The following STIP1 variants were observed in gnomAD, a reference collection of about 807,000 sequenced individuals.
STIP1 encodes stress induced phosphoprotein 1.
STIP1 carries 16 observed loss-of-function variants against 77.4 expected under a neutral mutation model. The ratio of observed to expected loss-of-function variants is 0.21; its 90% CI spans 0.14 to 0.31. STIP1 has a LOEUF of 0.31. Ranked by LOEUF, STIP1 falls within the 10% of genes least tolerant of loss-of-function variation. The pLI is 1.00. For synonymous variants in STIP1, 258 were observed against 246.6 expected, an observed-to-expected ratio of 1.05 and a Z score of -0.44; for missense variants, 524 against 684.8, an observed-to-expected ratio of 0.77 and a Z score of 2.62.
At chr11:64,190,164 G>T (rs1332081907) in intron 1 of STIP1, among the ~76,000 whole-genome samples, 1 of 150,836 alleles carries the variant, frequency 6.6e-6, no homozygotes, top group Non-Finnish European at 1.5e-5. Flanking sequence ...CCACATCCGG[G>T]CAATTTATTT....
chr11:64,202,362 A>G (rs1473584611), intron 10 of STIP1: 1 of 146,208 alleles, frequency 6.8e-6, no homozygotes, highest in South Asian at 2.2e-4. Context: ...TCTCTTGAGT[A>G]GCTGGGATTA....
At chr11:64,189,132 G>A (rs186521734) in intron 1 of STIP1, among the ~76,000 whole-genome samples, 2 of 152,382 alleles carry the variant, frequency 1.3e-5, no homozygotes, top group African/African-American at 4.8e-5. Flanking sequence ...GGAGGTTGAG[G>A]CGGGTGGATC....
intron 8 of STIP1, among the ~76,000 whole-genome samples, chr11:64,199,565 G>T (rs1438204242): frequency 7.3e-6 from 1 of 137,734 alleles, no homozygotes; most frequent in Non-Finnish European, 1.5e-5. Context: ...ATCCTAATCT[G>T]ATTTTTTTTT....
upstream of STIP1, chr11:64,185,778 A>C: frequency 6.5e-7 from 1 of 1,531,842 alleles, no homozygotes; most frequent in Non-Finnish European, 8.7e-7. Flanking sequence ...AGAGTTGGCA[A>C]CCCTCCGCCC....
chr11:64,199,853 G>A (rs989605551), intron 8 of STIP1, 87 bp from the exon 9 acceptor site: 15 of 1,508,738 alleles, frequency 9.9e-6, no homozygotes, highest in East Asian at 9.9e-5. Context: ...GTGAGCCACC[G>A]CGCCCGGCCC....
chr11:64,203,628 TAGAGTC>T lies in STIP1; in HGVS notation c.1559+11_1559+16del. On this transcript the variant is annotated splice_region_variant and intron_variant, in intron 13 of 13. Coordinates refer to ENST00000305218, the MANE Select transcript of STIP1 (RefSeq NM_006819.3). ...GACCCCCAGGCACTCAGCGAGTACGTAGAGTCAGAGAGGCGGCCTTGCTGGAAATGG... is the reference window on the plus strand; with the variant it reads ...GACCCCCAGGCACTCAGCGAGTACGTAGAGAGGCGGCCTTGCTGGAAATGG... 1.2e-6 allele frequency: 2 copies of T among 1,614,126 alleles called. No individual in the cohort carries two copies. The highest frequency in any genetic ancestry group is 1.7e-6 in the Non-Finnish European group (2 of 1,180,030).
intron 8 of STIP1, 100 bp downstream of exon 8, chr11:64,198,074 T>TC: frequency 6.7e-7 from 1 of 1,490,590 alleles, no homozygotes; most frequent in South Asian, 1.4e-5. Flanking sequence ...TTTTTTTTTT[T>TC]TTGAGATAGG....
chr11:64,191,077 C>T (rs1302633023), intron 1 of STIP1, among the ~76,000 whole-genome samples: 2 of 151,490 alleles, frequency 1.3e-5, no homozygotes, highest in Non-Finnish European at 2.9e-5. Context: ...ATCCCAGCTA[C>T]TCAGGAGGCT....
chr11:64,194,656 G>A (rs1229324554), intron 4 of STIP1, 36 bp downstream of exon 4: 7 of 1,605,274 alleles, frequency 4.4e-6, no homozygotes, highest in Admixed American at 1.7e-5. Flanking sequence ...TCTGGAAATC[G>A]GGGAATGTTA....
In STIP1 at chr11:64,186,290, C is replaced by T. The variant is rs374905296; in HGVS notation, c.9+20C>T. The stretch of plus-strand genomic sequence containing the variant: ...GAGCAGGTGAAGGGGGAGGGGCGGG[C>T]TGAGGCCCCGAGCCTGCTCGGGGAC... On this transcript the variant is annotated intron_variant, in intron 1 of 13. Coordinates refer to ENST00000305218, the MANE Select transcript of STIP1 (RefSeq NM_006819.3). 2.4e-6 allele frequency: 3 copies of T among 1,250,892 alleles called. No individual in the cohort carries two copies. Among genetic ancestry groups the T allele is most frequent in the Admixed American group, 2.6e-5 (1 of 38,468 alleles). 77.5% of individuals were successfully genotyped at this position (1,250,892 alleles called of 1,614,324 possible).
Position 64,195,681 on chromosome 11 carries a change from C to T in STIP1, c.540C>T (p.Ser180=), listed in dbSNP as rs373218763. The part of the protein sequence containing the change: ...LQDPRIMTTL[S]VLLGVDLGSM... ...ATCCCCGGATCATGACCACTCTCAG[C>T]GTCCTCCTTGGGGTCGATCTGGGCA... Residue 180 remains serine (S), a synonymous_variant, in exon 5 of 14, where the codon AGC becomes AGT. Transcript: ENST00000305218. 10 of 1,613,756 alleles carry T rather than the reference C, an allele frequency of 6.2e-6. No homozygotes were observed. The highest frequency in any genetic ancestry group is 4.4e-5 in the South Asian group (4 of 91,042).
intron 4 of STIP1, 151 bp downstream of exon 4, chr11:64,194,771 G>A: frequency 2.0e-6 from 2 of 1,024,704 alleles, no homozygotes; most frequent in East Asian, 5.3e-5. Context: ...TCGTTTATTT[G>A]TAATTATAGA....
At chr11:64,189,438 A>G (rs1163979039) in intron 1 of STIP1, among the ~76,000 whole-genome samples, 1 of 152,128 alleles carries the variant, frequency 6.6e-6, no homozygotes, top group Non-Finnish European at 1.5e-5. Flanking sequence ...GAGGCAGGAC[A>G]ATTGCTTGAA....
intron 1 of STIP1, 89 bp from the exon 2 acceptor site, chr11:64,192,989 G>A: frequency 8.0e-7 from 1 of 1,245,366 alleles, no homozygotes; most frequent in Non-Finnish European, 1.1e-6. Flanking sequence ...TTTATTTGTT[G>A]GTAACTACAT....
At chr11:64,196,775 T>C (rs1044230369) in intron 5 of STIP1, 1 of 159,232 alleles carries the variant, frequency 6.3e-6, no homozygotes, top group Non-Finnish European at 1.4e-5. Context: ...GTTTAGGGTG[T>C]CTCAGCTGGA....
chr11:64,186,245 C>G lies in STIP1; in HGVS notation c.-17C>G, dbSNP rs1333698700. On this transcript the variant is annotated 5_prime_UTR_variant, in exon 1 of 14. Coordinates refer to ENST00000305218, the MANE Select transcript of STIP1 (RefSeq NM_006819.3). The stretch of plus-strand genomic sequence containing the variant: ...CGGACGGATTCGATTCAACGGGGTT[C>G]CGGACCGCGCTGCGCTATGGAGCAG... 6.5e-7 allele frequency: 1 copy of G among 1,549,616 alleles called. No homozygotes were observed. The highest frequency in any genetic ancestry group is 8.7e-7 in the Non-Finnish European group (1 of 1,146,482).
chr11:64,197,266 T>A lies in STIP1; in HGVS notation c.673-5T>A. On this transcript the variant is annotated splice_polypyrimidine_tract_variant and splice_region_variant and intron_variant, in intron 5 of 13. Transcript: ENST00000305218. Reference sequence around the variant, plus strand: ...GCTCAGCACTCACTTCTAAACCTCATCTAGGCACTGAAAGAAAAAGAGCTG... The same window carrying A: ...GCTCAGCACTCACTTCTAAACCTCAACTAGGCACTGAAAGAAAAAGAGCTG... The A allele has an allele frequency of 6.2e-7, 1 of 1,613,990 alleles. No homozygotes were observed. The highest frequency in any genetic ancestry group is 8.5e-7 in the Non-Finnish European group (1 of 1,180,002).
chr11:64,185,834 G>T, upstream of STIP1: 2 of 1,536,084 alleles, frequency 1.3e-6, no homozygotes, highest in African/African-American at 2.7e-5. Flanking sequence ...CATGGAGTCC[G>T]GCAGCCCAAT....
chr11:64,185,891 C>T, upstream of STIP1: 3 of 1,536,160 alleles, frequency 2.0e-6, no homozygotes, highest in African/African-American at 1.4e-5. Flanking sequence ...TGGGCGCGGC[C>T]AGCGCGGCTA....
Sources: allele counts gnomAD v4.1 joint callset (sites outside exome capture counted in the v4.1 genomes callset), GRCh38; gene constraint gnomAD v4.1.1; transcripts MANE v1.5; gene names NCBI Gene and HGNC (gene_info 2026-07-23, HGNC 2026-07-21).